ABCA7: variants seen among roughly 807,000 people sequenced by gnomAD.
ABCA7 encodes the protein ATP binding cassette subfamily A member 7.
ABCA7 carries 261 observed loss-of-function variants against 227.6 expected under a neutral mutation model. The observed-to-expected ratio is 1.15, with a 90% CI of 1.04 to 1.27. ABCA7 has a LOEUF of 1.27. ABCA7 is among the 50% of genes most tolerant of loss of function. ABCA7 has a pLI of 0.00. For missense variants in ABCA7, 3,331 were observed against 2,924.5 expected (o/e 1.14, Z -3.21); for synonymous variants, 1,488 against 1,279.7 (o/e 1.16, Z -3.47).
intron 20 of ABCA7, 58 bp downstream of exon 20, chr19:1,051,352 A>G: frequency 3.2e-6 from 5 of 1,586,678 alleles, no homozygotes; most frequent in Non-Finnish European, 4.3e-6. Flanking sequence ...ATTCATCCTG[A>G]AGGCAGGGGG....
intron 6 of ABCA7, 71 bp from the exon 7 acceptor site, chr19:1,042,675 G>T: frequency 6.8e-7 from 1 of 1,479,774 alleles, no homozygotes. Context: ...GTCTGCCTGG[G>T]AACTGGCCAG....
intron 6 of ABCA7, 49 bp downstream of exon 6, chr19:1,042,446 G>C (rs1241669019): frequency 6.2e-7 from 1 of 1,602,966 alleles, no homozygotes; most frequent in Admixed American, 1.7e-5. Context: ...CACTGCACTG[G>C]GGATGTCCTG....
At chr19:1,064,581 AG>A in intron 45 of ABCA7, 1 of 406,830 alleles carries the variant, frequency 2.5e-6, no homozygotes, top group Non-Finnish European at 4.3e-6. Flanking sequence ...GCGGGGCCAT[AG>A]GAAAGTGGGG....
At chr19:1,048,761 A>G in intron 16 of ABCA7, 134 bp from the exon 17 acceptor site, 1 of 468,666 alleles carries the variant, frequency 2.1e-6, no homozygotes, top group Non-Finnish European at 3.8e-6. Flanking sequence ...GCGAGTCAAA[A>G]TCGTGCCACT....
In ABCA7 at chr19:1,052,216, T is replaced by A; in HGVS notation, c.3150T>A (p.Ala1050=). The change falls in exon 23 of 47, where the codon GCT becomes GCA. Residue 1050 remains alanine (A), a splice_region_variant and synonymous_variant. Coordinates refer to ENST00000263094, the MANE Select transcript of ABCA7 (RefSeq NM_019112.4). ...ACTTGGTGCCTCTCTGCCCGCAGGC[T>A]GACACTGACATGGAGGGCAGTGTGG... ...ARLPLTTNEK[A]DTDMEGSVDT... 6 of 1,584,820 alleles carry A rather than the reference T, an allele frequency of 3.8e-6. No homozygotes were observed. Among genetic ancestry groups the A allele is most frequent in the Non-Finnish European group, 5.1e-6 (6 of 1,166,760 alleles).
At position 1,065,377 on chromosome 19, in the gene ABCA7, C is replaced by T. The variant is rs537883181; in HGVS notation, c.6393C>T (p.Arg2131=). ...CGCCAGGCCTGCAGCACCCCAAACG[C>T]GTCAGCCAGTTCCTCGATGACCCTA... is the stretch of plus-strand genomic sequence containing the variant. ...DPAPGLQHPK[R]VSQFLDDPST... The change falls in exon 47 of 47, where the codon CGC becomes CGT. Residue 2131 remains arginine, a synonymous_variant. Coordinates refer to ENST00000263094, the MANE Select transcript of ABCA7 (RefSeq NM_019112.4). 19 of 1,613,608 alleles carry T rather than the reference C, an allele frequency of 1.2e-5. No individual in the cohort carries two copies. In the African/African-American group the frequency reaches 2.4e-4, roughly 20 times the overall value.
chr19:1,057,464 T>A, intron 35 of ABCA7, 35 bp downstream of exon 35: 2 of 1,575,552 alleles, frequency 1.3e-6, no homozygotes, highest in Non-Finnish European at 1.7e-6. Context: ...CTATTCTTAC[T>A]GACCCCTTAC....
chr19:1,064,539 T>G, intron 45 of ABCA7: 17 of 313,268 alleles, frequency 5.4e-5, no homozygotes, highest in East Asian at 1.4e-4. Flanking sequence ...GGTGGATTGA[T>G]GGGTGGAGTT....
At position 1,046,840 on chromosome 19, in the gene ABCA7, T is replaced by G; in HGVS notation, c.1661T>G (p.Leu554Arg). ...CTGAGCCGGTCGCTGCCGCTCTTCCTGACGCTGGCCTGGATCTACTCCGTG... is the reference window on the plus strand; with the variant it reads ...CTGAGCCGGTCGCTGCCGCTCTTCCGGACGCTGGCCTGGATCTACTCCGTG... ...RVLSRSLPLFLTLAWIYSVTL... is the reference protein window; with the variant it reads ...RVLSRSLPLFRTLAWIYSVTL... Residue 554 changes from leucine (L) to arginine (R), a missense_variant, in exon 14 of 47, where the codon CTG (leucine) becomes CGG (arginine). By Grantham distance (102) the Leu-to-Arg change is moderately radical (BLOSUM62 -2). Coordinates refer to ENST00000263094, the MANE Select transcript of ABCA7 (RefSeq NM_019112.4). The G allele has an allele frequency of 6.5e-7, 1 of 1,541,162 alleles. No individual in the cohort carries two copies. The highest frequency in any genetic ancestry group is 8.7e-7 in the Non-Finnish European group (1 of 1,148,060).
chr19:1,051,494 G>A lies in ABCA7; in HGVS notation c.2870G>A (p.Gly957Asp), dbSNP rs780117636. 3 of 1,610,820 alleles carry A rather than the reference G, an allele frequency of 1.9e-6. No homozygotes were observed. The highest frequency in any genetic ancestry group is 2.7e-5 in the African/African-American group (2 of 74,610). ...KLSVAIAFVG[G>D]SQVVILDEPT... is the part of the protein sequence containing the mutation. Reference sequence around the variant, plus strand: ...TCCGTGGCCATTGCCTTTGTGGGCGGCTCCCAAGTTGTTATCCTGGACGAG... The same window carrying A: ...TCCGTGGCCATTGCCTTTGTGGGCGACTCCCAAGTTGTTATCCTGGACGAG... The change falls in exon 21 of 47, where the codon GGC becomes GAC. Residue 957 changes from glycine to aspartate, a missense_variant. Coordinates refer to ENST00000263094, the MANE Select transcript of ABCA7 (RefSeq NM_019112.4).
Position 1,057,992 on chromosome 19 carries a change from G to A in ABCA7, c.4958G>A (p.Cys1653Tyr), listed in dbSNP as rs1333053562. 3 of 1,614,040 alleles carry A rather than the reference G, an allele frequency of 1.9e-6. No homozygotes were observed. In the Admixed American group the frequency reaches 5.0e-5, roughly 27 times the overall value. The change falls in exon 36 of 47, where the codon TGC becomes TAC. Residue 1653 changes from cysteine to tyrosine, a missense_variant. By Grantham distance (194) the Cys-to-Tyr change is radical. Coordinates refer to ENST00000263094, the MANE Select transcript of ABCA7 (RefSeq NM_019112.4). ...VPSTAYVVLT[C>Y]INLFIGINGS... ...AGCACAGCCTATGTGGTGCTCACCT[G>A]CATAAACCTCTTTATTGGCATCAAT...
chr19:1,048,735 G>A (rs936063164), intron 16 of ABCA7, among the ~76,000 whole-genome samples, 160 bp from the exon 17 acceptor site: 3 of 151,044 alleles, frequency 2.0e-5, no homozygotes, highest in South Asian at 2.1e-4. Context: ...CGTGAACTGG[G>A]GAGGCGGAGC....
Position 1,049,418 on chromosome 19 carries a change from G to GC in ABCA7, c.2535dup (p.Gly846ArgfsTer49), listed in dbSNP as rs1487739224. ...CACCGCCTTCCTGGGCCACAACGGG[G>GC]CCGGCAAGACCACCACCCTGTGAGC... On this transcript the variant is annotated frameshift_variant, in exon 18 of 47. Coordinates refer to ENST00000263094, the MANE Select transcript of ABCA7 (RefSeq NM_019112.4). LOFTEE classifies it high-confidence loss of function. 3 of 1,606,248 alleles carry GC rather than the reference G, an allele frequency of 1.9e-6. No individual in the cohort carries two copies. Among genetic ancestry groups the GC allele is most frequent in the Non-Finnish European group, 2.6e-6 (3 of 1,176,012 alleles).
rs3752234 is a variant in ABCA7, at chr19:1,047,003, A to G, written c.1824A>G (p.Ala608=). The G allele has an allele frequency of 0.55, 867,535 of 1,571,266 alleles. 242,507 individuals are homozygous for G. Among genetic ancestry groups the G allele is most frequent in the East Asian group, 0.75 (32,375 of 43,048 alleles). The change falls in exon 14 of 47, where the codon GCA becomes GCG. Residue 608 remains alanine (A), a synonymous_variant. Coordinates refer to ENST00000263094, the MANE Select transcript of ABCA7 (RefSeq NM_019112.4). ...SCLGPFLLSA[A]LLVLVLKLGD... ...TCGGGCCCTTCCTGCTCAGCGCCGC[A>G]CTGCTGGTTCTGGTGCTCAAGGTGG... is the stretch of plus-strand genomic sequence containing the variant.
intron 17 of ABCA7, 89 bp from the exon 18 acceptor site, chr19:1,049,177 G>C: frequency 6.9e-7 from 1 of 1,444,344 alleles, no homozygotes; most frequent in Non-Finnish European, 9.4e-7. Flanking sequence ...CGGCCCAGCA[G>C]GTCCCGGATT....
chr19:1,051,212 T>C lies in ABCA7; in HGVS notation c.2742T>C (p.Ala914=). The C allele has an allele frequency of 6.2e-7, 1 of 1,611,296 alleles. No homozygotes were observed. The change falls in exon 20 of 47, where the codon GCT becomes GCC. Residue 914 remains alanine (A), a synonymous_variant. Coordinates refer to ENST00000263094, the MANE Select transcript of ABCA7 (RefSeq NM_019112.4). ...FYGRLKGLSA[A]VVGPEQDRLL... is the part of the protein sequence containing the mutation. ...GGCGGCTGAAGGGTCTGAGTGCCGC[T>C]GTAGTGGGCCCCGAGCAGGACCGTC...
At position 1,065,061 on chromosome 19, in the gene ABCA7, C is replaced by T; in HGVS notation, c.6175C>T (p.Leu2059=). ...ACATGGAGGCCGCCTGCGCTTCCAG[C>T]TGCCGCCGGGAGGGCGCTGCGCCCT... is the stretch of plus-strand genomic sequence containing the variant. The part of the protein sequence containing the change: ...EAHGGRLRFQ[L]PPGGRCALAR... The change falls in exon 46 of 47, where the codon CTG becomes TTG. Residue 2059 remains leucine, a synonymous_variant. Coordinates refer to ENST00000263094, the MANE Select transcript of ABCA7 (RefSeq NM_019112.4). 6.4e-7 allele frequency: 1 copy of T among 1,562,270 alleles called. No individual in the cohort carries two copies.
At position 1,047,482 on chromosome 19, in the gene ABCA7, C is replaced by G; in HGVS notation, c.2097C>G (p.Phe699Leu). The G allele has an allele frequency of 2.6e-6, 4 of 1,565,922 alleles. No individual in the cohort carries two copies. The highest frequency in any genetic ancestry group is 3.4e-6 in the Non-Finnish European group (4 of 1,160,630). Reference sequence around the variant, plus strand: ...TGCTGTCGCCCGTGGCCTTCGGCTTCGGCTGCGAGAGCCTGGCTCTGCTGG... The same window carrying G: ...TGCTGTCGCCCGTGGCCTTCGGCTTGGGCTGCGAGAGCCTGGCTCTGCTGG... Reference protein sequence around the residue: ...ASLLSPVAFGFGCESLALLEE... With the variant: ...ASLLSPVAFGLGCESLALLEE... Residue 699 changes from phenylalanine (F) to leucine (L), a missense_variant, in exon 16 of 47, where the codon TTC (phenylalanine) becomes TTG (leucine). Physicochemically the swap from Phe to Leu is conservative, Grantham distance 22. Coordinates refer to ENST00000263094, the MANE Select transcript of ABCA7 (RefSeq NM_019112.4).
At position 1,056,343 on chromosome 19, in the gene ABCA7, A is replaced by G; in HGVS notation, c.4430A>G (p.Asn1477Ser). Residue 1477 changes from asparagine (N) to serine (S), a missense_variant, in exon 33 of 47, where the codon AAC (asparagine) becomes AGC (serine). By Grantham distance (46) the Asn-to-Ser change is conservative. Transcript: ENST00000263094. This position sits in a 1 kb window ranked among gnomAD's most constrained non-coding sequence, Gnocchi z 4.3. ...ACCCCCACCCAGATCTGGTTCAACAACAAAGGCTGGCACTCCATGGTGGCC... is the reference window on the plus strand; with the variant it reads ...ACCCCCACCCAGATCTGGTTCAACAGCAAAGGCTGGCACTCCATGGTGGCC... ...AQDSLKIWFN[N>S]KGWHSMVAFV... The G allele has an allele frequency of 6.2e-7, 1 of 1,613,356 alleles. No homozygotes were observed. Among genetic ancestry groups the G allele is most frequent in the Non-Finnish European group, 8.5e-7 (1 of 1,179,930 alleles).
Sources: allele counts gnomAD v4.1 joint callset (sites outside exome capture counted in the v4.1 genomes callset), GRCh38; gene constraint gnomAD v4.1.1; non-coding constraint Gnocchi (gnomAD v3.1); transcripts MANE v1.5; gene names NCBI Gene and HGNC (gene_info 2026-07-23, HGNC 2026-07-21).